Variants in CLIC5 observed in about 807,000 individuals in gnomAD.
CLIC5 encodes the protein CLIC family member 5.
A neutral mutation model predicts 24.7 loss-of-function variants in CLIC5; 20 were observed. That is an observed-to-expected ratio of 0.81 (90% CI 0.57 to 1.18). CLIC5 has a LOEUF of 1.18. Among genes scored for constraint, CLIC5 ranks in the 50% most tolerant of loss-of-function variants. The pLI is 0.00. For missense variants in CLIC5, 341 were observed against 326.1 expected, an observed-to-expected ratio of 1.05 and a Z score of -0.35; for synonymous variants, 159 against 135.6, an observed-to-expected ratio of 1.17 and a Z score of -1.20.
At chr6:46,012,209 T>G (rs1417040973) in intron 1 of CLIC5, among the ~76,000 whole-genome samples, 3 of 152,208 alleles carry the variant, frequency 2.0e-5, no homozygotes, top group Non-Finnish European at 4.4e-5. Context: ...TATGGTCTCC[T>G]TATTTATAAC....
At chr6:46,036,684 G>T (rs957237443) in intron 1 of CLIC5, among the ~76,000 whole-genome samples, 6 of 152,196 alleles carry the variant, frequency 3.9e-5, no homozygotes, top group African/African-American at 1.2e-4. Flanking sequence ...CATAGTGCTG[G>T]AAATGTGCTC....
chr6:46,006,000 T>TTTTATA (rs1554160600), intron 1 of CLIC5, among the ~76,000 whole-genome samples: 35 of 106,156 alleles, frequency 3.3e-4, no homozygotes, highest in African/African-American at 1.1e-3. Context: ...ATATATATAT[T>TTTTATA]TATATATATA....
the CLIC5 span, chr6:46,122,964 A>C: frequency 6.6e-6 from 1 of 152,264 alleles, no homozygotes; most frequent in Non-Finnish European, 1.5e-5. Flanking sequence ...AAAAAAGTCC[A>C]GGACCAGACA....
chr6:46,012,402 T>C (rs1000775618), intron 1 of CLIC5, among the ~76,000 whole-genome samples: 6 of 152,216 alleles, frequency 3.9e-5, no homozygotes, highest in African/African-American at 1.4e-4. Context: ...ACATTTCTTA[T>C]TGTAGAAACT....
chr6:45,962,594 G>A (rs992472162), intron 1 of CLIC5, among the ~76,000 whole-genome samples: 1 of 151,834 alleles, frequency 6.6e-6, no homozygotes, highest in Non-Finnish European at 1.5e-5. Flanking sequence ...CATTACACCT[G>A]GCATATTTAA....
chr6:45,972,441 G>A (rs1765232248), intron 1 of CLIC5, among the ~76,000 whole-genome samples: 1 of 152,136 alleles, frequency 6.6e-6, no homozygotes. Context: ...CAGCTCCAGG[G>A]TCCTCTTGTA....
the CLIC5 span, among the ~76,000 whole-genome samples, chr6:46,127,565 AT>A: frequency 6.6e-6 from 1 of 152,216 alleles, no homozygotes; most frequent in African/African-American, 2.4e-5. Context: ...TAAAAATCAC[AT>A]TGTAAATAAG....
chr6:45,977,973 G>A (rs550018255), intron 1 of CLIC5, among the ~76,000 whole-genome samples: 1 of 152,234 alleles, frequency 6.6e-6, no homozygotes, highest in South Asian at 2.1e-4. Flanking sequence ...TTTTTCTCTG[G>A]AAGCAACAGA....
At chr6:46,127,300 T>C in the CLIC5 span, among the ~76,000 whole-genome samples, 2 of 152,172 alleles carry the variant, frequency 1.3e-5, no homozygotes, top group African/African-American at 4.8e-5. Context: ...CACCCTACTC[T>C]CCTATCAAAC....
intron 1 of CLIC5, among the ~76,000 whole-genome samples, chr6:46,041,024 A>G (rs1767793248): frequency 6.6e-6 from 1 of 152,248 alleles, no homozygotes; most frequent in Non-Finnish European, 1.5e-5. Context: ...GGAACAATAC[A>G]AAAGCCTCAG....
At chr6:45,917,997 A>T (rs1376838755) in intron 4 of CLIC5, among the ~76,000 whole-genome samples, 1 of 152,236 alleles carries the variant, frequency 6.6e-6, no homozygotes, top group Non-Finnish European at 1.5e-5. Flanking sequence ...CCCAAGACGC[A>T]GGATCACTAA....
chr6:46,022,957 C>G (rs1293650553), intron 1 of CLIC5, among the ~76,000 whole-genome samples: 2 of 152,084 alleles, frequency 1.3e-5, no homozygotes, highest in Non-Finnish European at 2.9e-5. Context: ...GACAGGAATC[C>G]AATTTTGTGT....
intron 1 of CLIC5, among the ~76,000 whole-genome samples, chr6:46,062,736 G>A (rs1762321594): frequency 6.6e-6 from 1 of 152,184 alleles, no homozygotes; most frequent in Non-Finnish European, 1.5e-5. Flanking sequence ...ATTTTCCTAG[G>A]TACGCATCAC....
chr6:46,039,856 C>A (rs1157602839), intron 1 of CLIC5, among the ~76,000 whole-genome samples: 1 of 152,146 alleles, frequency 6.6e-6, no homozygotes, highest in African/African-American at 2.4e-5. Context: ...AATGTTCAGT[C>A]TCAATAGCAA....
intron 1 of CLIC5, among the ~76,000 whole-genome samples, chr6:45,966,829 T>C (rs1420763642): frequency 6.6e-6 from 1 of 152,226 alleles, no homozygotes; most frequent in African/African-American, 2.4e-5. Context: ...GATCAAGATG[T>C]CTGAAGAACC....
At chr6:46,093,432 C>T in the CLIC5 span, among the ~76,000 whole-genome samples, 8 of 152,136 alleles carry the variant, frequency 5.3e-5, no homozygotes, top group African/African-American at 1.7e-4. Flanking sequence ...TATCCAGCTC[C>T]CAAAGGATAC....
At chr6:45,997,581 C>T (rs796429193) in intron 1 of CLIC5, among the ~76,000 whole-genome samples, 6 of 151,324 alleles carry the variant, frequency 4.0e-5, no homozygotes, top group African/African-American at 1.2e-4. Context: ...GAAGCGTGTT[C>T]AAATGGCACT....
At chr6:46,103,658 T>C in the CLIC5 span, among the ~76,000 whole-genome samples, 1 of 152,150 alleles carries the variant, frequency 6.6e-6, no homozygotes, top group Non-Finnish European at 1.5e-5. Flanking sequence ...TTAACTCCAT[T>C]GGAGGGTGGG....
chr6:45,992,420 TA>T (rs911790789), intron 1 of CLIC5, among the ~76,000 whole-genome samples: 5 of 152,190 alleles, frequency 3.3e-5, no homozygotes, highest in Admixed American at 3.3e-4. Flanking sequence ...CAGTTTATTT[TA>T]AAAAAATATT....
Sources: allele counts gnomAD v4.1 joint callset (sites outside exome capture counted in the v4.1 genomes callset), GRCh38; gene constraint gnomAD v4.1.1; transcripts MANE v1.5; gene names NCBI Gene and HGNC (gene_info 2026-07-23, HGNC 2026-07-21).